Variants in CIBAR1 observed in about 807,000 individuals in gnomAD.
CIBAR1 encodes CBY1-interacting BAR domain-containing protein 1.
Under a neutral mutation model 44.0 loss-of-function variants are expected in CIBAR1, and 25 were observed. The ratio of observed to expected loss-of-function variants is 0.57; its 90% CI spans 0.41 to 0.79. The LOEUF (loss-of-function observed/expected upper bound fraction) is 0.79, where lower values mean the gene tolerates loss of function less well. Among genes scored for constraint, CIBAR1 ranks in the 30% least tolerant of loss-of-function variants. CIBAR1 has a pLI of 0.00. For missense variants in CIBAR1, 278 were observed against 344.8 expected (o/e 0.81, Z 1.53); for synonymous variants, 115 against 119.0 (o/e 0.97, Z 0.22).
chr8:93,728,145 GA>G (rs1811617045), intron 8 of CIBAR1, 59 bp from the exon 9 acceptor site: 2 of 1,050,028 alleles, frequency 1.9e-6, no homozygotes, highest in Non-Finnish European at 2.6e-6. Context: ...AATATACCAA[GA>G]ATGTAAAATT....
At chr8:93,718,481 G>C (rs1811116332) in intron 6 of CIBAR1, among the ~76,000 whole-genome samples, 194 bp from the exon 7 acceptor site, 1 of 152,148 alleles carries the variant, frequency 6.6e-6, no homozygotes, top group African/African-American at 2.4e-5. Flanking sequence ...GAAATACTTT[G>C]TATTATTTGA....
intron 8 of CIBAR1, chr8:93,726,994 C>CT: frequency 2.4e-6 from 1 of 422,956 alleles, no homozygotes; most frequent in Non-Finnish European, 4.6e-6. Context: ...CAAACTTTTT[C>CT]TTTAAGATGT....
intron 8 of CIBAR1, chr8:93,727,379 CCATAAATTT>C: frequency 2.6e-6 from 1 of 383,726 alleles, no homozygotes; most frequent in South Asian, 2.2e-5. Context: ...AACATAAATT[CCATAAATTT>C]ACTTTTATAG....
chr8:93,708,049 T>G (rs573676855), intron 5 of CIBAR1, 33 bp downstream of exon 5: 3 of 1,528,368 alleles, frequency 2.0e-6, no homozygotes, highest in South Asian at 2.5e-5. Context: ...AAGAAATGGA[T>G]CCTTATAGTA....
intron 2 of CIBAR1, chr8:93,702,298 C>G: frequency 2.4e-6 from 1 of 410,742 alleles, no homozygotes. Flanking sequence ...GAGTTCTTGT[C>G]ATGAAACTTC....
intron 7 of CIBAR1, chr8:93,719,433 CAT>C (rs1811159796): frequency 6.6e-6 from 1 of 152,230 alleles, no homozygotes; most frequent in Non-Finnish European, 1.5e-5. Context: ...TGAGTGTTTA[CAT>C]CATGCACAAT....
chr8:93,720,998 A>C (rs921942579), intron 7 of CIBAR1: 1 of 152,216 alleles, frequency 6.6e-6, no homozygotes, highest in Non-Finnish European at 1.5e-5. Context: ...AATCCTCTCA[A>C]TAACTTTGAT....
At chr8:93,702,468 A>G (rs1206889739) in intron 2 of CIBAR1, 1 of 451,902 alleles carries the variant, frequency 2.2e-6, no homozygotes, top group East Asian at 7.0e-5. Context: ...AGCAAAGTGA[A>G]TTGATTTGCA....
intron 4 of CIBAR1, among the ~76,000 whole-genome samples, chr8:93,706,959 TAGAG>T (rs1563641172): frequency 6.6e-6 from 1 of 152,186 alleles, no homozygotes; most frequent in Non-Finnish European, 1.5e-5. Flanking sequence ...GTCCCTCTGA[TAGAG>T]AGGATAGGGA....
At chr8:93,727,268 A>G (rs760762004) in intron 8 of CIBAR1, 7 of 1,083,446 alleles carry the variant, frequency 6.5e-6, no homozygotes, top group East Asian at 1.2e-4. Context: ...CATACTTTCT[A>G]TTTTCATTTG....
intron 2 of CIBAR1, chr8:93,701,732 G>A (rs529856579): frequency 3.6e-5 from 16 of 445,184 alleles, no homozygotes; most frequent in African/African-American, 9.9e-5. Flanking sequence ...GTTTACTGGG[G>A]GTAGTGGGAA....
chr8:93,709,930 T>G, intron 6 of CIBAR1, 55 bp downstream of exon 6: 3 of 1,333,964 alleles, frequency 2.2e-6, no homozygotes. Context: ...TTTTTTACTT[T>G]AATGAAAAAT....
At chr8:93,727,070 T>G in intron 8 of CIBAR1, 1 of 575,026 alleles carries the variant, frequency 1.7e-6, no homozygotes, top group South Asian at 1.5e-5. Flanking sequence ...AAATAACAAC[T>G]GTTAAGTAAC....
intron 6 of CIBAR1, among the ~76,000 whole-genome samples, chr8:93,712,186 A>T (rs1239904745): frequency 6.6e-6 from 1 of 152,222 alleles, no homozygotes; most frequent in Non-Finnish European, 1.5e-5. Flanking sequence ...GAACATTGTC[A>T]TCACTTCAAC....
At chr8:93,703,001 T>C (rs1210111237) in intron 2 of CIBAR1, among the ~76,000 whole-genome samples, 1 of 152,202 alleles carries the variant, frequency 6.6e-6, no homozygotes, top group Non-Finnish European at 1.5e-5. Context: ...TTACTCAAAA[T>C]GTGATTTAAA....
At chr8:93,709,467 C>T (rs971265743) in intron 5 of CIBAR1, among the ~76,000 whole-genome samples, 2 of 151,858 alleles carry the variant, frequency 1.3e-5, no homozygotes, top group Non-Finnish European at 2.9e-5. Flanking sequence ...GATGGTTTTA[C>T]AGTAGGTTAT....
At chr8:93,728,027 GA>G (rs1173394112) in intron 8 of CIBAR1, among the ~76,000 whole-genome samples, 177 bp from the exon 9 acceptor site, 1 of 151,888 alleles carries the variant, frequency 6.6e-6, no homozygotes, top group Admixed American at 6.6e-5. Flanking sequence ...TGTGATGAAT[GA>G]AAAAACTGGC....
chr8:93,726,477 A>C lies in CIBAR1; in HGVS notation c.741A>C (p.Arg247Ser). The C allele has an allele frequency of 6.2e-7, 1 of 1,613,750 alleles. No individual in the cohort carries two copies. The highest frequency in any genetic ancestry group is 8.5e-7 in the Non-Finnish European group (1 of 1,179,730). Residue 247 changes from arginine (R) to serine (S), a missense_variant, in exon 8 of 9, where the codon AGA becomes AGC. By Grantham distance (110) the Arg-to-Ser change is moderately radical. Around this residue, in one of 3 missense-constraint regions of CIBAR1, gnomAD observed 93 missense variants for 108.9 expected, o/e 0.85. Transcript: ENST00000518322. ...CAAATTCAAAGTCACCTCTTCAGAGATCACTGTCAGCTAAGTGTGTATCTG... is the reference window on the plus strand; with the variant it reads ...CAAATTCAAAGTCACCTCTTCAGAGCTCACTGTCAGCTAAGTGTGTATCTG... ...VRANSKSPLQ[R>S]SLSAKCVSGT...
intron 4 of CIBAR1, among the ~76,000 whole-genome samples, chr8:93,706,869 A>G (rs1245802717): frequency 1.3e-5 from 2 of 152,208 alleles, no homozygotes; most frequent in Admixed American, 6.5e-5. Flanking sequence ...TCATAGTATT[A>G]TGGCATATTT....
Sources: gnomAD v4.1 joint callset for allele counts (sites outside exome capture counted in the v4.1 genomes callset) on GRCh38, gnomAD v4.1.1 for gene constraint, gnomAD v4.1.1 regional missense constraint, MANE v1.5 for transcripts, NCBI Gene and HGNC (gene_info 2026-07-23, HGNC 2026-07-21) for gene names.